USP6NL: variants seen among roughly 807,000 people sequenced by gnomAD.
USP6NL encodes the protein USP6 N-terminal like.
In USP6NL, 26 loss-of-function variants were observed where a neutral mutation model predicts 61.9. That is an observed-to-expected ratio of 0.42 (90% confidence interval 0.31 to 0.58). The LOEUF (loss-of-function observed/expected upper bound fraction) is 0.58. Among genes scored for constraint, USP6NL ranks in the 20% least tolerant of loss-of-function variants. USP6NL has a pLI of 0.16. For synonymous variants in USP6NL, 432 were observed against 390.1 expected, an observed-to-expected ratio of 1.11 and a Z score of -1.27; for missense variants, 1,114 against 1,034.3, an observed-to-expected ratio of 1.08 and a Z score of -1.06.
intron 2 of USP6NL, among the ~76,000 whole-genome samples, chr10:11,555,433 A>AATATAT (rs1157927483): frequency 3.7e-4 from 18 of 49,010 alleles, no homozygotes; most frequent in African/African-American, 6.6e-4. Context: ...AAAAAAAAAA[A>AATATAT]ATATATATAT....
chr10:11,556,396 G>C (rs947256001), intron 2 of USP6NL, among the ~76,000 whole-genome samples: 2 of 152,076 alleles, frequency 1.3e-5, no homozygotes, highest in African/African-American at 4.8e-5. Flanking sequence ...CATGTAGAAA[G>C]ATAGAAACAG....
chr10:11,610,743 G>A (rs1301258398), intron 1 of USP6NL, among the ~76,000 whole-genome samples: 1 of 151,672 alleles, frequency 6.6e-6, no homozygotes, highest in African/African-American at 2.4e-5. Flanking sequence ...GCATCTATCT[G>A]CGGATTAAAT....
At position 11,489,183 on chromosome 10, in the gene USP6NL, A is replaced by G. The variant is rs1484916013; in HGVS notation, c.583T>C (p.Leu195=). 5.0e-6 allele frequency: 8 copies of G among 1,613,834 alleles called. No individual in the cohort carries two copies. The Admixed American group carries it at 1.3e-4, about 27-fold the overall frequency. The change falls in exon 10 of 15, where the codon TTA becomes CTA. Residue 195 remains leucine, a synonymous_variant. Transcript: ENST00000609104. This position sits in a 1 kb window ranked among gnomAD's most constrained non-coding sequence, Gnocchi z 5.7. ...YCQGMSQITA[L]LLMYMNEEDA... Reference sequence around the variant, plus strand: ...TCCTCGTTCATATACATGAGGAGTAAAGCTGTGATCTGGCTCATCCCCTGA... The same window carrying G: ...TCCTCGTTCATATACATGAGGAGTAGAGCTGTGATCTGGCTCATCCCCTGA...
chr10:11,544,616 T>C (rs576416978), intron 2 of USP6NL, among the ~76,000 whole-genome samples: 6 of 152,118 alleles, frequency 3.9e-5, no homozygotes, highest in African/African-American at 9.6e-5. Flanking sequence ...GCCTCCCGAG[T>C]AGCTGGGATT....
At position 11,596,273 on chromosome 10, in the gene USP6NL, C is replaced by T. The variant is rs1442159421; in HGVS notation, c.4+1358G>A. 2.6e-5 allele frequency among the ~76,000 whole-genome samples: 4 copies of T among 152,178 alleles called. No individual in the cohort carries two copies. Among genetic ancestry groups the T allele is most frequent in the Admixed American group, 2.6e-4 (4 of 15,280 alleles). ...ATTACCATCTTCACTAGAGTTAGCA[C>T]TTTACATTAGATAAACTTTCTCACA... On this transcript the variant is annotated intron_variant, in intron 2 of 14. Transcript: ENST00000609104. This position sits in a 1 kb window ranked among gnomAD's most constrained non-coding sequence, Gnocchi z 4.1.
chr10:11,531,860 A>G (rs1350229928), intron 2 of USP6NL, among the ~76,000 whole-genome samples: 1 of 152,236 alleles, frequency 6.6e-6, no homozygotes, highest in Non-Finnish European at 1.5e-5. Context: ...CACAATTTAT[A>G]GAAGAAAATG....
At chr10:11,569,872 CCCT>C (rs1192157730) in intron 2 of USP6NL, among the ~76,000 whole-genome samples, 1 of 152,186 alleles carries the variant, frequency 6.6e-6, no homozygotes, top group African/African-American at 2.4e-5. Context: ...CGCCTCCTCC[CCCT>C]ATCACCCTAA....
rs777573692 is a variant in USP6NL at position 11,596,703 on chromosome 10, C to T, written c.4+928G>A. Among the ~76,000 whole-genome samples, 1 of 151,988 alleles carries T rather than the reference C, an allele frequency of 6.6e-6. No individual in the cohort carries two copies. The highest frequency in any genetic ancestry group is 1.9e-4 in the East Asian group (1 of 5,172). On this transcript the variant is annotated intron_variant, in intron 2 of 14. Coordinates refer to ENST00000609104, the MANE Select transcript of USP6NL (RefSeq NM_014688.5). This position sits in a 1 kb window ranked among gnomAD's most constrained non-coding sequence, Gnocchi z 4.1. ...ACTTTGTTTCTTCAAAGTACACTAC[C>T]GAAAAAGTATACCACTGAAAAGTCA...
In USP6NL at chr10:11,575,121, G is replaced by C. The variant is rs1234500723; in HGVS notation, c.4+22510C>G. ...CCTATTATCTTTAAAGAATATGTTC[G>C]TACTCACAAACTAAATCAAAGTAAG... On this transcript the variant is annotated intron_variant, in intron 2 of 14. Transcript: ENST00000609104. This position sits in a 1 kb window ranked among gnomAD's most constrained non-coding sequence, Gnocchi z 4.2. 1.3e-5 allele frequency among the ~76,000 whole-genome samples: 2 copies of C among 152,118 alleles called. No individual in the cohort carries two copies. Among genetic ancestry groups the C allele is most frequent in the African/African-American group, 4.8e-5 (2 of 41,436 alleles).
In USP6NL at chr10:11,462,665, C is replaced by G; in HGVS notation, c.2263G>C (p.Asp755His). 1 of 1,613,988 alleles carries G rather than the reference C, an allele frequency of 6.2e-7. No individual in the cohort carries two copies. The highest frequency in any genetic ancestry group is 8.5e-7 in the Non-Finnish European group (1 of 1,179,890). The stretch of plus-strand genomic sequence containing the variant: ...TTTGGTAAATTGCCACGGCTAGCAT[C>G]TCGGGTCCATGATTGTCCCTGCGTC... ...PETQGQSWTR[D>H]ASRGNLPKYS... Residue 755 changes from aspartate to histidine, a missense_variant, in exon 15 of 15, where the codon GAT becomes CAT. Transcript: ENST00000609104.
chr10:11,461,666 G>A lies in USP6NL; in HGVS notation c.*775C>T, dbSNP rs2096214698. 1 of 152,228 alleles carries A rather than the reference G, an allele frequency of 6.6e-6. No homozygotes were observed. Among genetic ancestry groups the A allele is most frequent in the Non-Finnish European group, 1.5e-5 (1 of 68,056 alleles). The allele number at this position is 152,228 out of a possible 1,614,324, so 9.4% of individuals were successfully genotyped here. A position where few individuals can be genotyped will look rare whatever the true frequency, so the allele number is the denominator to read the frequency against. On this transcript the variant is annotated 3_prime_UTR_variant, in exon 15 of 15. Transcript: ENST00000609104. ...ACTAAGACCAATCTCTTAGTATGTG[G>A]ATGTGATAAGCACTGCTGCACCTTT...
intron 2 of USP6NL, among the ~76,000 whole-genome samples, chr10:11,568,158 TG>T: frequency 6.6e-6 from 1 of 151,324 alleles, no homozygotes; most frequent in East Asian, 1.9e-4. Flanking sequence ...GTTGTGTGTG[TG>T]TGTGTGTGTG....
Position 11,591,761 on chromosome 10 carries a change from A to G in USP6NL, c.4+5870T>C, listed in dbSNP as rs1361634396. On this transcript the variant is annotated intron_variant, in intron 2 of 14. Coordinates refer to ENST00000609104, the MANE Select transcript of USP6NL (RefSeq NM_014688.5). This position sits in a 1 kb window ranked among gnomAD's most constrained non-coding sequence, Gnocchi z 4.7. ...CTTGTTGTAAGTTTGAAAAAATATC[A>G]AAAGAAAATATATAAGAAAAGAATG... is the stretch of plus-strand genomic sequence containing the variant. 1.3e-5 allele frequency among the ~76,000 whole-genome samples: 2 copies of G among 152,224 alleles called. No individual in the cohort carries two copies. Among genetic ancestry groups the G allele is most frequent in the Non-Finnish European group, 2.9e-5 (2 of 68,040 alleles).
chr10:11,463,272 G>A lies in USP6NL; in HGVS notation c.1656C>T (p.Asp552=), dbSNP rs377738508. The change falls in exon 15 of 15, where the codon GAC becomes GAT. Residue 552 remains aspartate (D), a synonymous_variant. Coordinates refer to ENST00000609104, the MANE Select transcript of USP6NL (RefSeq NM_014688.5). The surrounding 1 kb of genome is among the most constrained non-coding windows in gnomAD (Gnocchi z 6.3). ...GKRGSTASQY[D]NVPGPELDSG... Reference sequence around the variant, plus strand: ...TGTCCAGCTCCGGGCCTGGCACGTTGTCGTACTGCGATGCAGTGGAGCCCC... The same window carrying A: ...TGTCCAGCTCCGGGCCTGGCACGTTATCGTACTGCGATGCAGTGGAGCCCC... 5.0e-5 allele frequency: 81 copies of A among 1,613,814 alleles called. 1 individual carries two copies. The highest frequency in any genetic ancestry group is 6.2e-5 in the Non-Finnish European group (73 of 1,179,904).
At chr10:11,542,238 C>T (rs970309947) in intron 2 of USP6NL, among the ~76,000 whole-genome samples, 3 of 152,118 alleles carry the variant, frequency 2.0e-5, no homozygotes, top group African/African-American at 4.8e-5. Flanking sequence ...AATACAAAGA[C>T]AGATAAAACA....
intron 2 of USP6NL, among the ~76,000 whole-genome samples, chr10:11,529,710 C>T (rs891881779): frequency 4.6e-5 from 7 of 152,200 alleles, no homozygotes; most frequent in African/African-American, 1.7e-4. Flanking sequence ...TATACATATT[C>T]ACTACCCTAT....
Position 11,487,020 on chromosome 10 carries a change from G to A in USP6NL, c.665-1109C>T, listed in dbSNP as rs1833498096. ...AGACAGAAATTCTATTTCTCCTTTA[G>A]TAATATTTTTCAGTGAAATTGTTTC... On this transcript the variant is annotated intron_variant, in intron 10 of 14. Transcript: ENST00000609104. This position sits in a 1 kb window ranked among gnomAD's most constrained non-coding sequence, Gnocchi z 4.2. Among the ~76,000 whole-genome samples, 2 of 150,888 alleles carry A rather than the reference G, an allele frequency of 1.3e-5. No homozygotes were observed. The highest frequency in any genetic ancestry group is 2.9e-5 in the Non-Finnish European group (2 of 67,862).
intron 2 of USP6NL, among the ~76,000 whole-genome samples, chr10:11,543,673 C>T (rs1836156721): frequency 1.3e-5 from 2 of 151,870 alleles, no homozygotes; most frequent in Non-Finnish European, 2.9e-5. Context: ...GAGAAACTTG[C>T]ACAATCACGT....
At chr10:11,584,274 A>G (rs569099026) in intron 2 of USP6NL, among the ~76,000 whole-genome samples, 2 of 152,364 alleles carry the variant, frequency 1.3e-5, no homozygotes, top group Middle Eastern at 3.4e-3. Context: ...TCAACGTAAC[A>G]TCACATTTAA....
Sources: allele counts gnomAD v4.1 joint callset (sites outside exome capture counted in the v4.1 genomes callset), GRCh38; gene constraint gnomAD v4.1.1; non-coding constraint Gnocchi (gnomAD v3.1); transcripts MANE v1.5; gene names NCBI Gene and HGNC (gene_info 2026-07-23, HGNC 2026-07-21).